The following SMARCC2 variants were observed in gnomAD, a reference collection of about 807,000 sequenced individuals.
The protein encoded by SMARCC2 is SWI/SNF complex subunit SMARCC2.
In SMARCC2, 15 loss-of-function variants were observed where a neutral mutation model predicts 151.3. That is an observed-to-expected ratio of 0.10 (90% confidence interval 0.07 to 0.15). The LOEUF (loss-of-function observed/expected upper bound fraction) is 0.15. Ranked by LOEUF, SMARCC2 falls within the 10% of genes least tolerant of loss-of-function variation. The probability of loss-of-function intolerance (pLI) is 1.00; values close to 1 mark genes in which losing one functional copy is unlikely to be tolerated. For missense variants in SMARCC2, 1,031 were observed against 1,599.7 expected (o/e 0.64, Z 6.06); for synonymous variants, 590 against 609.5 (o/e 0.97, Z 0.47).
chr12:56,165,332 G>C lies in SMARCC2; in HGVS notation c.3218C>G (p.Pro1073Arg), dbSNP rs201907171. 15 of 1,496,142 alleles carry C rather than the reference G, an allele frequency of 1.0e-5. No homozygotes were observed. The highest frequency in any genetic ancestry group is 5.5e-5 in the South Asian group (4 of 72,180). 92.7% of individuals were successfully genotyped at this position (1,496,142 alleles called of 1,614,324 possible). A position where few individuals can be genotyped will look rare whatever the true frequency, so the allele number is the denominator to read the frequency against. The part of the protein sequence containing the change: ...QPGAVPPGVP[P>R]PGPHGPSPFP... ...ATAACACTTACCATGGGGTCCAGGGGGGGGAACCCCTGGTGGGACTGCCCC... is the reference window on the plus strand; with the variant it reads ...ATAACACTTACCATGGGGTCCAGGGCGGGGAACCCCTGGTGGGACTGCCCC... The change falls in exon 27 of 29, where the codon CCC (proline) becomes CGC (arginine). Residue 1073 changes from proline to arginine, a missense_variant. This residue lies in a region of SMARCC2 where 310 missense variants were observed against 350.0 expected (regional missense o/e 0.89). Coordinates refer to ENST00000550164, the MANE Select transcript of SMARCC2 (RefSeq NM_001330288.2).
Position 56,165,637 on chromosome 12 carries a change from C to T in SMARCC2, c.2913G>A (p.Lys971=). 1 of 1,613,496 alleles carries T rather than the reference C, an allele frequency of 6.2e-7. No homozygotes were observed. Among genetic ancestry groups the T allele is most frequent in the Non-Finnish European group, 8.5e-7 (1 of 1,180,040 alleles). The change falls in exon 27 of 29, where the codon AAG becomes AAA. Residue 971 remains lysine, a synonymous_variant. Coordinates refer to ENST00000550164, the MANE Select transcript of SMARCC2 (RefSeq NM_001330288.2). ...GCTGCCGAGCCCTCATCTCCGCATA[C>T]TTCAGCTGCTCCATGTGGAAGGCTT... is the stretch of plus-strand genomic sequence containing the variant. ...DRQAFHMEQL[K]YAEMRARQQH...
At chr12:56,167,012 GT>G (rs1201527250) in intron 26 of SMARCC2, among the ~76,000 whole-genome samples, 2 of 148,900 alleles carry the variant, frequency 1.3e-5, no homozygotes, top group Non-Finnish European at 3.0e-5. Context: ...GCAGTGAGCC[GT>G]GATTGCACCA....
rs891435270 is a variant in SMARCC2 at position 56,177,918 on chromosome 12, G to T, written c.1382+104C>A. ...AGCCTAGCATAGTGCCTGGCTCATG[G>T]AAGATGCTCAAGAAATGTTTGCTAA... On this transcript the variant is annotated intron_variant, in intron 15 of 28. Transcript: ENST00000550164. The T allele has an allele frequency of 3.7e-5, 30 of 814,740 alleles. No individual in the cohort carries two copies. In the Middle Eastern group the frequency reaches 1.1e-3, roughly 31 times the overall value. 50.5% of individuals were successfully genotyped at this position (814,740 alleles called of 1,614,324 possible).
chr12:56,170,043 G>A (rs911788610), intron 23 of SMARCC2, 101 bp downstream of exon 23: 47 of 1,429,076 alleles, frequency 3.3e-5, no homozygotes, highest in South Asian at 6.9e-5. Context: ...AGACAACCCC[G>A]TCCAAAACCA....
At chr12:56,187,430 T>C (rs1003980569) in intron 1 of SMARCC2, 124 bp from the exon 2 acceptor site, 5 of 907,740 alleles carry the variant, frequency 5.5e-6, no homozygotes, top group Admixed American at 4.6e-5. Flanking sequence ...CTTCTCCCCA[T>C]TTAGTCTCTA....
In SMARCC2 at chr12:56,178,987, C is replaced by G. The variant is rs762321036; in HGVS notation, c.1141+10G>C. 3.7e-6 allele frequency: 6 copies of G among 1,613,916 alleles called. No homozygotes were observed. The highest frequency in any genetic ancestry group is 5.1e-6 in the Non-Finnish European group (6 of 1,179,888). On this transcript the variant is annotated intron_variant, in intron 12 of 28. Transcript: ENST00000550164. ...CTCTGACTGCCGTGCCCAAGAGGCT[C>G]CTGTCTTACCCAGGTCGGTCATGGT...
chr12:56,163,894 G>A, intron 28 of SMARCC2, 129 bp from the exon 29 acceptor site: 1 of 580,194 alleles, frequency 1.7e-6, no homozygotes, highest in South Asian at 2.4e-5. Context: ...TACCCATAAT[G>A]TTCAACTTCT....
At position 56,172,624 on chromosome 12, in the gene SMARCC2, C is replaced by T. The variant is rs1874169866; in HGVS notation, c.1824G>A (p.Leu608=). 1 of 1,614,136 alleles carries T rather than the reference C, an allele frequency of 6.2e-7. No homozygotes were observed. The highest frequency in any genetic ancestry group is 8.5e-7 in the Non-Finnish European group (1 of 1,180,060). The change falls in exon 19 of 29, where the codon CTG becomes CTA. Residue 608 remains leucine (L), a synonymous_variant. Coordinates refer to ENST00000550164, the MANE Select transcript of SMARCC2 (RefSeq NM_001330288.2). ...EKPTDMQNFG[L]RTDMYTKKNV... ...TCTTTTTTGTGTACATGTCTGTGCG[C>T]AGCCCAAAGTTTTGCATGTCTGTTG... is the stretch of plus-strand genomic sequence containing the variant.
At chr12:56,163,831 CACAG>C (rs1420595660) in intron 28 of SMARCC2, 66 bp from the exon 29 acceptor site, 13 of 1,056,904 alleles carry the variant, frequency 1.2e-5, no homozygotes, top group East Asian at 9.2e-5. Flanking sequence ...CCCAGACCAC[CACAG>C]ACAGACAGAA....
Position 56,181,812 on chromosome 12 carries a change from G to A in SMARCC2, c.732C>T (p.Asp244=). The A allele has an allele frequency of 2.5e-6, 4 of 1,614,084 alleles. No individual in the cohort carries two copies. The highest frequency in any genetic ancestry group is 3.4e-6 in the Non-Finnish European group (4 of 1,179,982). ...PRKVHAKWIL[D]TDTFNEWMNE... ...TCATCCATTCATTGAAGGTGTCGGTGTCCAGGATCCACTTTGCATGAACCT... is the reference window on the plus strand; with the variant it reads ...TCATCCATTCATTGAAGGTGTCGGTATCCAGGATCCACTTTGCATGAACCT... Residue 244 remains aspartate, a synonymous_variant, in exon 9 of 29, where the codon GAC becomes GAT. Transcript: ENST00000550164.
At chr12:56,164,245 C>T (rs1417204576) in intron 28 of SMARCC2, 58 bp downstream of exon 28, 10 of 1,516,856 alleles carry the variant, frequency 6.6e-6, no homozygotes, top group Admixed American at 1.9e-5. Flanking sequence ...TGCCCGCTCA[C>T]CCTCCCTCCA....
At chr12:56,166,746 CG>C (rs1872845047) in intron 26 of SMARCC2, among the ~76,000 whole-genome samples, 2 of 152,094 alleles carry the variant, frequency 1.3e-5, no homozygotes, top group South Asian at 4.2e-4. Context: ...CGCACCACCA[CG>C]CCCGGCTAAT....
In SMARCC2 at chr12:56,162,394, A is replaced by AAAAG. The variant is rs577354478; in HGVS notation, c.*1291_*1294dup. The AAAAG allele has an allele frequency of 3.1e-6, 2 of 647,904 alleles. No homozygotes were observed. The highest frequency in any genetic ancestry group is 3.7e-5 in the African/African-American group (2 of 54,138). The allele number at this position is 647,904 out of a possible 1,614,324, so 40.1% of individuals were successfully genotyped here. A position where few individuals can be genotyped will look rare whatever the true frequency, so the allele number is the denominator to read the frequency against. ...AGCAAATTAATTTATAAAAAAAAAA[A>AAAAG]AAAGAAAGAAAGAAAAAAAGAGAAA... On this transcript the variant is annotated 3_prime_UTR_variant, in exon 29 of 29. Transcript: ENST00000550164.
At position 56,164,514 on chromosome 12, in the gene SMARCC2, A is replaced by G. The variant is rs760007729; in HGVS notation, c.3450T>C (p.His1150=). 1 of 1,614,156 alleles carries G rather than the reference A, an allele frequency of 6.2e-7. No individual in the cohort carries two copies. Among genetic ancestry groups the G allele is most frequent in the Admixed American group, 1.7e-5 (1 of 60,016 alleles). ...CCGGGGCGAACGGGAGATGGTGGTG[A>G]TGCCCATGCAGGTTAGGAGGAGCGG... ...NLPAPPNLHG[H]HHHLPFAPGT... Residue 1150 remains histidine, a synonymous_variant, in exon 28 of 29, where the codon CAT becomes CAC. Coordinates refer to ENST00000550164, the MANE Select transcript of SMARCC2 (RefSeq NM_001330288.2).
chr12:56,184,943 A>G lies in SMARCC2; in HGVS notation c.400-7T>C. On this transcript the variant is annotated splice_polypyrimidine_tract_variant and splice_region_variant and intron_variant, in intron 4 of 28. Coordinates refer to ENST00000550164, the MANE Select transcript of SMARCC2 (RefSeq NM_001330288.2). ...GTCGAGACAGGCAATTATTCTGTGGAGAGAAGAAATAGAATGAGATTATAG... is the reference window on the plus strand; with the variant it reads ...GTCGAGACAGGCAATTATTCTGTGGGGAGAAGAAATAGAATGAGATTATAG... 6.2e-7 allele frequency: 1 copy of G among 1,609,840 alleles called. No homozygotes were observed. Among genetic ancestry groups the G allele is most frequent in the Non-Finnish European group, 8.5e-7 (1 of 1,176,156 alleles).
At chr12:56,181,454 C>G (rs374019483) in intron 10 of SMARCC2, 28 bp downstream of exon 10, 2 of 1,310,236 alleles carry the variant, frequency 1.5e-6, no homozygotes, top group Non-Finnish European at 2.1e-6. Flanking sequence ...GAATGGTGAA[C>G]ACGGGGGCAG....
intron 25 of SMARCC2, among the ~76,000 whole-genome samples, chr12:56,169,093 A>T (rs902268325): frequency 1.3e-5 from 2 of 152,146 alleles, no homozygotes; most frequent in African/African-American, 4.8e-5. Context: ...TAGGAGTTCA[A>T]GACCAGCCTG....
chr12:56,174,564 T>C lies in SMARCC2; in HGVS notation c.1496+87A>G, dbSNP rs1874571305. The C allele has an allele frequency of 7.2e-6, 6 of 836,882 alleles. No homozygotes were observed. The South Asian group carries it at 8.3e-5, about 12-fold the overall frequency. 51.8% of individuals were successfully genotyped at this position (836,882 alleles called of 1,614,324 possible). On this transcript the variant is annotated intron_variant, in intron 16 of 28. Transcript: ENST00000550164. ...GCTTTTTTCTGTCTGCTCCTCTGTGTTCCTTGCTGGCATCTCTACTGTTGC... is the reference window on the plus strand; with the variant it reads ...GCTTTTTTCTGTCTGCTCCTCTGTGCTCCTTGCTGGCATCTCTACTGTTGC...
rs2135700485 is a variant in SMARCC2 at position 56,174,684 on chromosome 12, C to T, written c.1463G>A (p.Arg488Gln). Residue 488 changes from arginine to glutamine, a missense_variant, in exon 16 of 29, where the codon CGA becomes CAA. Physicochemically the swap from Arg to Gln is conservative, Grantham distance 43 (BLOSUM62 1). Around this residue, in one of 12 missense-constraint regions of SMARCC2, gnomAD observed 51 missense variants for 135.1 expected, o/e 0.38. Coordinates refer to ENST00000550164, the MANE Select transcript of SMARCC2 (RefSeq NM_001330288.2). ...QEYLTSTACR[R>Q]NLAGDVCAIM... is the part of the protein sequence containing the mutation. ...GGCACAGACATCACCCGCTAGGTTT[C>T]GGCGGCAGGCGGTAGAGGTAAGATA... The T allele has an allele frequency of 6.2e-7, 1 of 1,613,920 alleles. No homozygotes were observed. Among genetic ancestry groups the T allele is most frequent in the East Asian group, 2.2e-5 (1 of 44,880 alleles).
Sources: allele counts gnomAD v4.1 joint callset (sites outside exome capture counted in the v4.1 genomes callset), GRCh38; gene constraint gnomAD v4.1.1; regional missense constraint gnomAD v4.1.1; transcripts MANE v1.5; gene names NCBI Gene and HGNC (gene_info 2026-07-23, HGNC 2026-07-21).